The following KNL1 variants were observed in gnomAD, a reference collection of about 807,000 sequenced individuals.
KNL1 encodes outer kinetochore KNL1 complex subunit KNL1.
A neutral mutation model predicts 201.3 loss-of-function variants in KNL1; 66 were observed. The ratio of observed to expected loss-of-function variants is 0.33; its 90% CI spans 0.27 to 0.40. The LOEUF (loss-of-function observed/expected upper bound fraction) is 0.40, where lower values mean the gene tolerates loss of function less well. Ranked by LOEUF, KNL1 falls within the 10% of genes least tolerant of loss-of-function variation. The pLI is 1.00. For missense variants in KNL1, 2,815 were observed against 2,690.5 expected (o/e 1.05, Z -1.02); for synonymous variants, 895 against 899.2 (o/e 1.00, Z 0.08).
chr15:40,608,920 G>T lies in KNL1; in HGVS notation c.197+12G>T. 1 of 1,591,904 alleles carries T rather than the reference G, an allele frequency of 6.3e-7. No individual in the cohort carries two copies. ...GCAGATACTATAAAGTAAGTTGAAA[G>T]CAGAAATAACTAAAATATTATAGGT... is the stretch of plus-strand genomic sequence containing the variant. On this transcript the variant is annotated intron_variant, in intron 5 of 25. Coordinates refer to ENST00000399668, the MANE Select transcript of KNL1 (RefSeq NM_144508.5).
Position 40,623,519 on chromosome 15 carries a change from T to C in KNL1, c.3255T>C (p.Asp1085=), listed in dbSNP as rs1431862162. 1 of 1,613,270 alleles carries C rather than the reference T, an allele frequency of 6.2e-7. No homozygotes were observed. The highest frequency in any genetic ancestry group is 2.2e-5 in the East Asian group (1 of 44,876). The change falls in exon 10 of 26, where the codon GAT becomes GAC. Residue 1085 remains aspartate (D), a synonymous_variant. Transcript: ENST00000399668. ...TATTTTCAGAGAATCATAAAAATGA[T>C]ATGGATATTACCCAGAGTTGTATGG... ...TIVFSENHKN[D]MDITQSCMVE... is the part of the protein sequence containing the mutation.
chr15:40,605,033 AG>A, intron 2 of KNL1, 76 bp from the exon 3 acceptor site: 1 of 762,364 alleles, frequency 1.3e-6, no homozygotes. Flanking sequence ...AAAGCATGTA[AG>A]GGGTGCTGTG....
intron 13 of KNL1, among the ~76,000 whole-genome samples, chr15:40,630,050 A>G (rs1340579927): frequency 6.6e-6 from 1 of 152,198 alleles, no homozygotes; most frequent in Non-Finnish European, 1.5e-5. Context: ...TGTAAACTGG[A>G]TACAGTGGCA....
At chr15:40,655,288 C>A in intron 22 of KNL1, among the ~76,000 whole-genome samples, 1 of 147,700 alleles carries the variant, frequency 6.8e-6, no homozygotes, top group Middle Eastern at 4.1e-3. Context: ...CAGAGTGAGA[C>A]CTTGTCTCAA....
Position 40,624,004 on chromosome 15 carries a change from T to G in KNL1, c.3740T>G (p.Phe1247Cys), listed in dbSNP as rs1413014322. Residue 1247 changes from phenylalanine (F) to cysteine (C), a missense_variant, in exon 10 of 26, where the codon TTT becomes TGT. Transcript: ENST00000399668. ...AGAACTACTAATGAAATCATCAAATTTCATAGTGCTGCTATGGATGAAAAG... is the reference window on the plus strand; with the variant it reads ...AGAACTACTAATGAAATCATCAAATGTCATAGTGCTGCTATGGATGAAAAG... ...TNRTTNEIIK[F>C]HSAAMDEKVI... 1 of 1,613,798 alleles carries G rather than the reference T, an allele frequency of 6.2e-7. No homozygotes were observed.
At chr15:40,648,059 T>C (rs1893448257) in intron 17 of KNL1, among the ~76,000 whole-genome samples, 1 of 152,140 alleles carries the variant, frequency 6.6e-6, no homozygotes, top group East Asian at 1.9e-4. Flanking sequence ...GATACTGTGC[T>C]TAGTATCAGA....
Position 40,624,077 on chromosome 15 carries a change from A to AGG in KNL1, c.3814_3815insGG (p.Val1272GlyfsTer7), listed in dbSNP as rs759961229. ...AGGCCTGTACATTGGAAAAAGCGCA[A>AGG]GTTGAAAGCTGTCAGTTAAATAATA... On this transcript the variant is annotated frameshift_variant, in exon 10 of 26. Coordinates refer to ENST00000399668, the MANE Select transcript of KNL1 (RefSeq NM_144508.5). LOFTEE classifies it high-confidence loss of function. 2 of 1,614,086 alleles carry AGG rather than the reference A, an allele frequency of 1.2e-6. No individual in the cohort carries two copies. The highest frequency in any genetic ancestry group is 2.7e-5 in the African/African-American group (2 of 75,054).
At chr15:40,620,077 C>T (rs879466202) in intron 9 of KNL1, among the ~76,000 whole-genome samples, 1 of 152,202 alleles carries the variant, frequency 6.6e-6, no homozygotes, top group Non-Finnish European at 1.5e-5. Context: ...AACAGGCATG[C>T]ACCACTGTGC....
At chr15:40,599,816 A>G (rs1277878108) in intron 1 of KNL1, among the ~76,000 whole-genome samples, 3 of 108,914 alleles carry the variant, frequency 2.8e-5, no homozygotes, top group South Asian at 2.8e-4. Context: ...TTTTTTTTTA[A>G]AGAGACGGGG....
chr15:40,598,784 T>C (rs1891693204), intron 1 of KNL1, among the ~76,000 whole-genome samples: 1 of 152,138 alleles, frequency 6.6e-6, no homozygotes, highest in South Asian at 2.1e-4. Flanking sequence ...TATTTCTCGT[T>C]TGCTGTATTA....
Position 40,662,111 on chromosome 15 carries a change from C to G in KNL1, c.6874C>G (p.Leu2292Val). 6.2e-7 allele frequency: 1 copy of G among 1,611,720 alleles called. No individual in the cohort carries two copies. The highest frequency in any genetic ancestry group is 2.2e-5 in the East Asian group (1 of 44,866). ...DIATILSKVP[L>V]ENNYLKNVVK... ...TGCTACCATTCTATCTAAAGTGCCA[C>G]TGGAGAACAACTACCTGAAGAATGT... Residue 2292 changes from leucine to valine, a missense_variant, in exon 26 of 26, where the codon CTG becomes GTG. Transcript: ENST00000399668.
At chr15:40,643,245 T>G (rs971318458) in intron 14 of KNL1, 1 of 152,144 alleles carries the variant, frequency 6.6e-6, no homozygotes, top group African/African-American at 2.4e-5. Flanking sequence ...CGATCTCGGC[T>G]TACTGAGAAC....
chr15:40,640,076 C>CT (rs911041554), intron 13 of KNL1, among the ~76,000 whole-genome samples: 2 of 145,364 alleles, frequency 1.4e-5, no homozygotes, highest in Non-Finnish European at 3.0e-5. Context: ...CTTTTCTTTT[C>CT]TTTTTTTTCT....
intron 10 of KNL1, 48 bp from the exon 11 acceptor site, chr15:40,628,022 T>C: frequency 9.8e-6 from 13 of 1,320,808 alleles, no homozygotes; most frequent in Non-Finnish European, 1.3e-5. Context: ...GTCGTAAGTA[T>C]ACAGTGTATA....
At chr15:40,598,312 G>T (rs12438955) in intron 1 of KNL1, among the ~76,000 whole-genome samples, 119,385 of 152,108 alleles carry the variant, frequency 0.78, 47,843 homozygotes, top group Non-Finnish European at 0.85. Context: ...GGCTTATACC[G>T]GTAATCCCAA....
chr15:40,595,813 A>G (rs73394722), intron 1 of KNL1, among the ~76,000 whole-genome samples: 3,264 of 152,262 alleles, frequency 0.021, 116 homozygotes, highest in African/African-American at 0.075. Flanking sequence ...AATAACTACT[A>G]TATTGGACAG....
At chr15:40,596,246 A>G (rs1459210191) in intron 1 of KNL1, among the ~76,000 whole-genome samples, 3 of 152,188 alleles carry the variant, frequency 2.0e-5, no homozygotes, top group Non-Finnish European at 4.4e-5. Flanking sequence ...CAGAAATTGA[A>G]GGAAAATATG....
At chr15:40,618,822 T>A (rs1460320488) in intron 8 of KNL1, 137 bp from the exon 9 acceptor site, 3 of 523,844 alleles carry the variant, frequency 5.7e-6, no homozygotes, top group Non-Finnish European at 6.9e-6. Flanking sequence ...ATTAAAAAAA[T>A]TTAATACGTA....
intron 16 of KNL1, among the ~76,000 whole-genome samples, chr15:40,646,272 T>C (rs1893380855): frequency 6.6e-6 from 1 of 152,180 alleles, no homozygotes; most frequent in Non-Finnish European, 1.5e-5. Context: ...CTGTAATTCT[T>C]TTTGACCACT....
Sources: allele counts gnomAD v4.1 joint callset (sites outside exome capture counted in the v4.1 genomes callset), GRCh38; gene constraint gnomAD v4.1.1; transcripts MANE v1.5; gene names NCBI Gene and HGNC (gene_info 2026-07-23, HGNC 2026-07-21).